FXYD6: variants seen among roughly 807,000 people sequenced by gnomAD.
FXYD6 encodes the protein FXYD domain-containing ion transport regulator 6.
A neutral mutation model predicts 16.7 loss-of-function variants in FXYD6; 7 were observed. That is an observed-to-expected ratio of 0.42 (90% CI 0.24 to 0.79). FXYD6 has a LOEUF of 0.79. FXYD6 is among the 30% of genes least tolerant of loss of function. The pLI is 0.28. For missense variants in FXYD6, 111 were observed against 116.2 expected (o/e 0.95, Z 0.21); for synonymous variants, 49 against 43.0 (o/e 1.14, Z -0.54).
At chr11:117,869,452 AG>A (rs1157855219) in intron 1 of FXYD6, among the ~76,000 whole-genome samples, 4 of 152,164 alleles carry the variant, frequency 2.6e-5, no homozygotes, top group African/African-American at 9.7e-5. Context: ...TTCATGGAAG[AG>A]GGGCACTCCC....
chr11:117,876,860 C>T (rs2057282140), upstream of FXYD6: 1 of 152,440 alleles, frequency 6.6e-6, no homozygotes, highest in African/African-American at 2.4e-5. Flanking sequence ...TCCTCCTCTC[C>T]CTGTCCGTCC....
At chr11:117,851,028 T>G (rs1438755371) in intron 1 of FXYD6, among the ~76,000 whole-genome samples, 1 of 152,238 alleles carries the variant, frequency 6.6e-6, no homozygotes, top group Admixed American at 6.5e-5. Flanking sequence ...TGGAGAATAT[T>G]TCAGTTCTTT....
At chr11:117,849,371 T>C (rs747599437) in intron 1 of FXYD6, among the ~76,000 whole-genome samples, 5 of 152,236 alleles carry the variant, frequency 3.3e-5, no homozygotes, top group African/African-American at 4.8e-5. Context: ...CTGTATGATG[T>C]ACAGATGCCT....
chr11:117,861,587 T>C (rs1008625502), intron 1 of FXYD6, among the ~76,000 whole-genome samples: 1 of 152,242 alleles, frequency 6.6e-6, no homozygotes, highest in Non-Finnish European at 1.5e-5. Context: ...GAATAGTAAC[T>C]GCTGGTGAAG....
At chr11:117,846,613 A>G (rs1742277845) in intron 1 of FXYD6, among the ~76,000 whole-genome samples, 1 of 152,208 alleles carries the variant, frequency 6.6e-6, no homozygotes, top group Non-Finnish European at 1.5e-5. Context: ...ACCTGGTTCC[A>G]GGGGCAGACT....
chr11:117,844,515 G>A (rs1406387126), intron 1 of FXYD6, among the ~76,000 whole-genome samples: 1 of 151,860 alleles, frequency 6.6e-6, no homozygotes, highest in African/African-American at 2.4e-5. Context: ...TTTATTTTGA[G>A]ACTGAGTCTC....
chr11:117,859,599 G>A (rs950080736), intron 1 of FXYD6, among the ~76,000 whole-genome samples: 2 of 152,304 alleles, frequency 1.3e-5, no homozygotes, highest in East Asian at 3.9e-4. Flanking sequence ...ATAACCCGAT[G>A]CTAACACTGA....
At chr11:117,851,069 C>A (rs559724807) in intron 1 of FXYD6, among the ~76,000 whole-genome samples, 1 of 152,114 alleles carries the variant, frequency 6.6e-6, no homozygotes, top group African/African-American at 2.4e-5. Flanking sequence ...TACTAATATT[C>A]GTACTTCATG....
rs187980693 is a variant in FXYD6, at chr11:117,870,997, C to A, written c.-6+5595G>T. 6.6e-6 allele frequency among the ~76,000 whole-genome samples: 1 copy of A among 152,180 alleles called. No homozygotes were observed. Among genetic ancestry groups the A allele is most frequent in the Admixed American group, 6.5e-5 (1 of 15,286 alleles). ...CATCAAATCCATTCTAAGCTCAGAA[C>A]AACCAAAGGATCTGTAGGGAATTTT... On this transcript the variant is annotated intron_variant, in intron 1 of 7. Coordinates refer to ENST00000526014, the MANE Select transcript of FXYD6 (RefSeq NM_022003.4). This position sits in a 1 kb window ranked among gnomAD's most constrained non-coding sequence, Gnocchi z 4.2.
intron 1 of FXYD6, among the ~76,000 whole-genome samples, chr11:117,874,808 A>T: frequency 6.6e-6 from 1 of 152,216 alleles, no homozygotes; most frequent in East Asian, 1.9e-4. Flanking sequence ...GCTCTCGTTA[A>T]CACCTGGAGC....
intron 1 of FXYD6, among the ~76,000 whole-genome samples, chr11:117,846,734 T>C (rs781356104): frequency 6.6e-6 from 1 of 152,246 alleles, no homozygotes; most frequent in African/African-American, 2.4e-5. Flanking sequence ...TCAATTTGTC[T>C]GTACTGCATT....
intron 5 of FXYD6, among the ~76,000 whole-genome samples, chr11:117,840,874 G>A (rs554479927): frequency 1.2e-3 from 176 of 152,058 alleles, no homozygotes; most frequent in Non-Finnish European, 2.2e-3. Flanking sequence ...TGTCCCAAGG[G>A]CCTCCAGAAA....
intron 1 of FXYD6, chr11:117,869,203 T>C (rs1012359446): frequency 6.6e-5 from 10 of 152,258 alleles, no homozygotes; most frequent in African/African-American, 2.4e-4. Context: ...ACTCAGAGAC[T>C]GGCAAGGGAA....
At chr11:117,859,884 T>C (rs1429916978) in intron 1 of FXYD6, among the ~76,000 whole-genome samples, 1 of 152,192 alleles carries the variant, frequency 6.6e-6, no homozygotes, top group African/African-American at 2.4e-5. Flanking sequence ...GCTACTCAGA[T>C]CCACGCTACA....
At chr11:117,868,550 A>T (rs752918598) in intron 1 of FXYD6, among the ~76,000 whole-genome samples, 1 of 152,200 alleles carries the variant, frequency 6.6e-6, no homozygotes, top group Non-Finnish European at 1.5e-5. Context: ...CAGAGGCACC[A>T]AAAGAGGCAC....
At chr11:117,854,761 T>C (rs1165353372) in intron 1 of FXYD6, among the ~76,000 whole-genome samples, 1 of 152,008 alleles carries the variant, frequency 6.6e-6, no homozygotes, top group Non-Finnish European at 1.5e-5. Context: ...CAGGGTAGGA[T>C]TTTGATAGAC....
At chr11:117,868,199 A>G (rs2057051731) in intron 1 of FXYD6, among the ~76,000 whole-genome samples, 1 of 152,150 alleles carries the variant, frequency 6.6e-6, no homozygotes. Context: ...GACGGCCGAA[A>G]GTGCTGGCTG....
rs139274736 is a variant in FXYD6, at chr11:117,856,981, G to T, written c.-5-14200C>A. ...CAGAGCAGTGGCCAGGAGGAACAGAGGGAAGGAAGGCTGAGCCCACCCCAA... is the reference window on the plus strand; with the variant it reads ...CAGAGCAGTGGCCAGGAGGAACAGATGGAAGGAAGGCTGAGCCCACCCCAA... On this transcript the variant is annotated intron_variant, in intron 1 of 7. Transcript: ENST00000526014. 1.3e-4 allele frequency among the ~76,000 whole-genome samples: 20 copies of T among 151,896 alleles called. 1 individual carries two copies. The highest frequency in any genetic ancestry group is 4.6e-4 in the African/African-American group (19 of 41,306).
chr11:117,840,091 G>A (rs1297753185), intron 6 of FXYD6: 6 of 645,572 alleles, frequency 9.3e-6, no homozygotes, highest in Non-Finnish European at 1.6e-5. Flanking sequence ...AATGATATGG[G>A]GTCTGTGCCT....
Sources: gnomAD v4.1 joint callset for allele counts (sites outside exome capture counted in the v4.1 genomes callset) on GRCh38, gnomAD v4.1.1 for gene constraint, Gnocchi (gnomAD v3.1) non-coding constraint, MANE v1.5 for transcripts, NCBI Gene and HGNC (gene_info 2026-07-23, HGNC 2026-07-21) for gene names.